Variants in RARB observed in about 807,000 individuals in gnomAD.
RARB encodes retinoic acid receptor beta.
RARB carries 17 observed loss-of-function variants against 51.9 expected under a neutral mutation model. The observed-to-expected ratio is 0.33, with a 90% CI of 0.22 to 0.49. The LOEUF (loss-of-function observed/expected upper bound fraction) is 0.49, where lower values mean the gene tolerates loss of function less well. Among genes scored for constraint, RARB ranks in the 20% least tolerant of loss-of-function variants. RARB has a pLI of 0.99. For missense variants in RARB, 369 were observed against 550.8 expected (o/e 0.67, Z 3.30); for synonymous variants, 215 against 195.4 (o/e 1.10, Z -0.84).
chr3:25,297,199 T>C (rs955663039), intron 5 of RARB, among the ~76,000 whole-genome samples: 4 of 152,158 alleles, frequency 2.6e-5, no homozygotes, highest in Non-Finnish European at 5.9e-5. Context: ...ATTGCTTTCA[T>C]CATATTCTCA....
chr3:25,289,330 G>A (rs1488024715), intron 5 of RARB, among the ~76,000 whole-genome samples: 1 of 152,244 alleles, frequency 6.6e-6, no homozygotes, highest in Non-Finnish European at 1.5e-5. Context: ...AATGCTCAGT[G>A]AAGCTGGCTT....
chr3:25,027,672 A>T (rs1697778576), intron 2 of RARB, among the ~76,000 whole-genome samples: 1 of 126,458 alleles, frequency 7.9e-6, no homozygotes, highest in African/African-American at 2.9e-5. Context: ...ACCATAAAAG[A>T]GATTTCTATC....
At chr3:24,975,236 C>A (rs190570069) in intron 2 of RARB, among the ~76,000 whole-genome samples, 8 of 152,224 alleles carry the variant, frequency 5.3e-5, no homozygotes, top group Non-Finnish European at 7.4e-5. Flanking sequence ...AATTCTAATT[C>A]TATCTCCCTA....
intron 5 of RARB, among the ~76,000 whole-genome samples, chr3:25,355,343 G>C (rs1559369379): frequency 6.6e-6 from 1 of 152,026 alleles, no homozygotes; most frequent in Non-Finnish European, 1.5e-5. Context: ...TCTCTTCTAA[G>C]GGCAGGGTTT....
chr3:25,358,591 A>G (rs894691753), intron 5 of RARB, among the ~76,000 whole-genome samples: 2 of 152,210 alleles, frequency 1.3e-5, no homozygotes, highest in African/African-American at 4.8e-5. Context: ...AGGTTTGCCC[A>G]TTCAGTATGA....
At chr3:24,853,509 G>T (rs1360041388) in intron 1 of RARB, among the ~76,000 whole-genome samples, 1 of 152,112 alleles carries the variant, frequency 6.6e-6, no homozygotes. Flanking sequence ...CTGGTTTTCA[G>T]AACAGCAAGC....
chr3:25,185,150 AT>A (rs989568720), intron 5 of RARB, among the ~76,000 whole-genome samples: 3 of 151,656 alleles, frequency 2.0e-5, no homozygotes, highest in African/African-American at 7.2e-5. Flanking sequence ...GCCAAGATAT[AT>A]TTTTTTTTAA....
chr3:25,268,801 C>A (rs1167635569), intron 5 of RARB, among the ~76,000 whole-genome samples: 1 of 152,146 alleles, frequency 6.6e-6, no homozygotes, highest in Non-Finnish European at 1.5e-5. Flanking sequence ...TTCTTAGGAC[C>A]TTTCTCTCCT....
At chr3:25,100,204 G>T (rs4444672) in intron 3 of RARB, among the ~76,000 whole-genome samples, 134,835 of 152,152 alleles carry the variant, frequency 0.89, 60,095 homozygotes, top group African/African-American at 0.97. Context: ...TATATTTACA[G>T]CCTGGGGGAT....
At chr3:25,295,177 C>A (rs1419374935) in intron 5 of RARB, among the ~76,000 whole-genome samples, 1 of 152,140 alleles carries the variant, frequency 6.6e-6, no homozygotes, top group Non-Finnish European at 1.5e-5. Context: ...GTTGTGCTTG[C>A]TTTGTGACTG....
intron 4 of RARB, among the ~76,000 whole-genome samples, chr3:25,148,648 C>T (rs1346097460): frequency 2.0e-5 from 3 of 152,156 alleles, no homozygotes; most frequent in Non-Finnish European, 4.4e-5. Flanking sequence ...AGGTTCCTTA[C>T]CTTTGTGATC....
At chr3:24,975,131 G>A (rs528588811) in intron 2 of RARB, among the ~76,000 whole-genome samples, 1 of 152,224 alleles carries the variant, frequency 6.6e-6, no homozygotes, top group South Asian at 2.1e-4. Context: ...GAGTAGTATG[G>A]CATAAGGATT....
rs149470982 is a variant in RARB at position 25,158,706 on chromosome 3, T to G, written c.-279-15413T>G. On this transcript the variant is annotated intron_variant, in intron 4 of 11. Transcript: ENST00000383772. ...TGACTTTATTTGTCCAGTTATAACATAGATCTGCACATTTCAGCAACTAAA... is the reference window on the plus strand; with the variant it reads ...TGACTTTATTTGTCCAGTTATAACAGAGATCTGCACATTTCAGCAACTAAA... Among the ~76,000 whole-genome samples, 588 of 152,312 alleles carry G rather than the reference T, an allele frequency of 3.9e-3. 2 individuals carry two copies. The highest frequency in any genetic ancestry group is 0.012 in the African/African-American group (512 of 41,554).
At chr3:24,947,250 A>G (rs541404502) in intron 2 of RARB, among the ~76,000 whole-genome samples, 25 of 152,334 alleles carry the variant, frequency 1.6e-4, no homozygotes, top group Non-Finnish European at 3.2e-4. Flanking sequence ...ATATGAATGT[A>G]CTGGGAAAAG....
chr3:25,469,611 A>G lies in RARB; in HGVS notation c.306+8270A>G, dbSNP rs572677571. 5.3e-5 allele frequency among the ~76,000 whole-genome samples: 8 copies of G among 152,372 alleles called. No individual in the cohort carries two copies. The South Asian group carries it at 1.4e-3, about 28-fold the overall frequency. On this transcript the variant is annotated intron_variant, in intron 2 of 7. Transcript: ENST00000330688. The stretch of plus-strand genomic sequence containing the variant: ...AAGCGTCCCTCTGTTCCCTGTTGCT[A>G]TAATCTGCCAACCATGGAGGATTTA...
chr3:25,175,154 A>T (rs551171624), intron 5 of RARB, among the ~76,000 whole-genome samples: 22 of 152,206 alleles, frequency 1.4e-4, no homozygotes, highest in Non-Finnish European at 2.9e-4. Flanking sequence ...TGTATAAGGT[A>T]CTATAAAATA....
intron 1 of RARB, among the ~76,000 whole-genome samples, chr3:25,436,176 G>A (rs1478090813): frequency 6.6e-6 from 1 of 152,152 alleles, no homozygotes; most frequent in Non-Finnish European, 1.5e-5. Flanking sequence ...TTGAGGATTT[G>A]CATGTGAAAG....
intron 3 of RARB, among the ~76,000 whole-genome samples, chr3:25,123,106 G>A (rs970397523): frequency 6.6e-6 from 1 of 152,064 alleles, no homozygotes; most frequent in African/African-American, 2.4e-5. Context: ...TTGGGGTGTC[G>A]GCAGGGAGGA....
intron 5 of RARB, among the ~76,000 whole-genome samples, chr3:25,218,045 A>G (rs1380920441): frequency 6.6e-5 from 10 of 152,208 alleles, no homozygotes; most frequent in Non-Finnish European, 1.2e-4. Context: ...TTGCCATTCA[A>G]TAAAGTTTAT....
Sources: allele counts gnomAD v4.1 joint callset (sites outside exome capture counted in the v4.1 genomes callset), GRCh38; gene constraint gnomAD v4.1.1; transcripts MANE v1.5; gene names NCBI Gene and HGNC (gene_info 2026-07-23, HGNC 2026-07-21).